EPHA3: variants seen among roughly 807,000 people sequenced by gnomAD.
EPHA3 encodes EPH receptor A3.
EPHA3 carries 42 observed loss-of-function variants against 107.1 expected under a neutral mutation model. The observed-to-expected ratio is 0.39, with a 90% CI of 0.31 to 0.51. The LOEUF is 0.51. Ranked by LOEUF, EPHA3 falls within the 20% of genes least tolerant of loss-of-function variation. The pLI, the probability that EPHA3 is intolerant of heterozygous loss-of-function variation, is 0.78. For synonymous variants in EPHA3, 461 were observed against 424.8 expected (o/e 1.09, Z -1.05); for missense variants, 1,183 against 1,211.2 (o/e 0.98, Z 0.35).
At chr3:89,237,731 C>A (rs1252074911) in intron 3 of EPHA3, among the ~76,000 whole-genome samples, 1 of 151,884 alleles carries the variant, frequency 6.6e-6, no homozygotes, top group Non-Finnish European at 1.5e-5. Flanking sequence ...TTTTGGAGGC[C>A]AAGGCAGGAG....
intron 2 of EPHA3, among the ~76,000 whole-genome samples, chr3:89,128,198 C>T (rs1704132061): frequency 2.0e-5 from 3 of 152,080 alleles, no homozygotes; most frequent in Admixed American, 2.0e-4. Flanking sequence ...CCTAAATATA[C>T]ACAATTTTTT....
rs774540195 is a variant in EPHA3 at position 89,450,361 on chromosome 3, C to T, written c.2681C>T (p.Ala894Val). The T allele has an allele frequency of 6.2e-7, 1 of 1,612,186 alleles. No homozygotes were observed. Among genetic ancestry groups the T allele is most frequent in the Non-Finnish European group, 8.5e-7 (1 of 1,178,918 alleles). Residue 894 changes from alanine to valine, a missense_variant, in exon 15 of 17, where the codon GCA becomes GTA. Physicochemically the swap from Ala to Val is moderately conservative, Grantham distance 64 (BLOSUM62 0). Transcript: ENST00000336596. ...NPGSLKIITS[A>V]AARPSNLLLD... ...GGCAGCCTGAAGATCATCACCAGTGCAGCCGCAAGGTGACACATTCAATTT... is the reference window on the plus strand; with the variant it reads ...GGCAGCCTGAAGATCATCACCAGTGTAGCCGCAAGGTGACACATTCAATTT...
intron 1 of EPHA3, among the ~76,000 whole-genome samples, chr3:89,109,576 T>A (rs1707052782): frequency 6.6e-6 from 1 of 151,906 alleles, no homozygotes; most frequent in African/African-American, 2.4e-5. Context: ...AAACAACCTT[T>A]AAGTAAACTG....
At chr3:89,423,724 T>C (rs1163167744) in intron 11 of EPHA3, among the ~76,000 whole-genome samples, 1 of 151,496 alleles carries the variant, frequency 6.6e-6, no homozygotes, top group Non-Finnish European at 1.5e-5. Context: ...AAACAGCTTT[T>C]GTTACTTCTT....
intron 3 of EPHA3, among the ~76,000 whole-genome samples, chr3:89,293,562 C>T (rs929719123): frequency 5.3e-5 from 8 of 152,084 alleles, no homozygotes; most frequent in South Asian, 2.1e-4. Flanking sequence ...TGTCAGGGGA[C>T]GAACTTGGTG....
intron 2 of EPHA3, among the ~76,000 whole-genome samples, chr3:89,158,613 C>A (rs552413286): frequency 3.9e-5 from 6 of 152,234 alleles, no homozygotes; most frequent in Admixed American, 2.0e-4. Context: ...TAAATGAACA[C>A]ATTAATATTT....
chr3:89,131,710 G>C (rs554684808), intron 2 of EPHA3, among the ~76,000 whole-genome samples: 4 of 152,166 alleles, frequency 2.6e-5, no homozygotes, highest in Admixed American at 6.5e-5. Context: ...TCTGAAATGA[G>C]TAATATATGT....
chr3:89,437,828 T>A (rs1258142557), intron 13 of EPHA3, among the ~76,000 whole-genome samples: 1 of 152,212 alleles, frequency 6.6e-6, no homozygotes, highest in Non-Finnish European at 1.5e-5. Context: ...CCTATGTCCT[T>A]AAGTTCATTT....
intron 3 of EPHA3, among the ~76,000 whole-genome samples, chr3:89,220,231 A>T (rs1704338882): frequency 6.6e-6 from 1 of 152,198 alleles, no homozygotes; most frequent in South Asian, 2.1e-4. Context: ...AAAGGTTCGA[A>T]TTATACATTA....
chr3:89,335,981 T>A (rs1161909063), intron 3 of EPHA3, among the ~76,000 whole-genome samples: 1 of 152,206 alleles, frequency 6.6e-6, no homozygotes, highest in Non-Finnish European at 1.5e-5. Context: ...ATAGCTGGTC[T>A]CCACTACAGA....
intron 5 of EPHA3, among the ~76,000 whole-genome samples, chr3:89,349,565 T>C (rs1707754978): frequency 6.8e-6 from 1 of 147,672 alleles, no homozygotes. Flanking sequence ...CTTGACTCTT[T>C]ATCCAATTTG....
intron 2 of EPHA3, among the ~76,000 whole-genome samples, chr3:89,169,851 A>T (rs537050691): frequency 6.6e-6 from 1 of 152,196 alleles, no homozygotes; most frequent in African/African-American, 2.4e-5. Flanking sequence ...TAGAAATTGC[A>T]GCATTCAATC....
intron 3 of EPHA3, among the ~76,000 whole-genome samples, chr3:89,309,749 C>T (rs947996577): frequency 8.6e-5 from 13 of 151,740 alleles, no homozygotes; most frequent in Non-Finnish European, 1.6e-4. Context: ...AGTAATATGT[C>T]GAATTTCTAA....
At chr3:89,398,309 T>C (rs1457026013) in intron 6 of EPHA3, among the ~76,000 whole-genome samples, 1 of 152,160 alleles carries the variant, frequency 6.6e-6, no homozygotes, top group East Asian at 1.9e-4. Flanking sequence ...TATAATAATA[T>C]ATGTGAGAGA....
intron 3 of EPHA3, among the ~76,000 whole-genome samples, chr3:89,224,678 A>G (rs1296648413): frequency 6.6e-6 from 1 of 151,796 alleles, no homozygotes; most frequent in Non-Finnish European, 1.5e-5. Context: ...GTGAAACACT[A>G]TCTCTACTAA....
chr3:89,449,205 A>G lies in EPHA3; in HGVS notation c.2347-20A>G, dbSNP rs1709938374. On this transcript the variant is annotated intron_variant, in intron 13 of 16. Transcript: ENST00000336596. ...TTCTATGCATTGCTGATTTATGTAG[A>G]CATGATTTTATATTCAAAGGGAGGG... 3.1e-6 allele frequency: 5 copies of G among 1,595,554 alleles called. No individual in the cohort carries two copies. The highest frequency in any genetic ancestry group is 2.7e-5 in the African/African-American group (2 of 74,610).
chr3:89,255,560 T>C (rs970891289), intron 3 of EPHA3, among the ~76,000 whole-genome samples: 1 of 152,246 alleles, frequency 6.6e-6, no homozygotes, highest in Non-Finnish European at 1.5e-5. Flanking sequence ...AAATATTTAC[T>C]ATCTGGCTCT....
intron 3 of EPHA3, among the ~76,000 whole-genome samples, chr3:89,275,335 C>G (rs910210623): frequency 2.6e-5 from 4 of 151,954 alleles, no homozygotes; most frequent in Non-Finnish European, 5.9e-5. Flanking sequence ...ACCAGAGCCC[C>G]GTGATTTTCC....
intron 5 of EPHA3, among the ~76,000 whole-genome samples, chr3:89,349,713 G>A (rs1270730749): frequency 2.0e-5 from 3 of 148,912 alleles, no homozygotes; most frequent in Non-Finnish European, 4.5e-5. Context: ...TCCTAGTCTC[G>A]ATGGTCTTTA....
Sources: gnomAD v4.1 joint callset for allele counts (sites outside exome capture counted in the v4.1 genomes callset) on GRCh38, gnomAD v4.1.1 for gene constraint, MANE v1.5 for transcripts, NCBI Gene and HGNC (gene_info 2026-07-23, HGNC 2026-07-21) for gene names.